The following P4HA1 variants were observed in gnomAD, a reference collection of about 807,000 sequenced individuals.
P4HA1 encodes the protein prolyl 4-hydroxylase subunit alpha-1.
A neutral mutation model predicts 72.8 loss-of-function variants in P4HA1; 24 were observed. The ratio of observed to expected loss-of-function variants is 0.33; its 90% CI spans 0.24 to 0.46. The LOEUF is 0.46. P4HA1 is among the 20% of genes least tolerant of loss of function. The probability of loss-of-function intolerance (pLI) is 1.00; values close to 1 mark genes in which losing one functional copy is unlikely to be tolerated. For synonymous variants in P4HA1, 201 were observed against 218.8 expected, an observed-to-expected ratio of 0.92 and a Z score of 0.72; for missense variants, 446 against 640.6, an observed-to-expected ratio of 0.70 and a Z score of 3.28.
intron 5 of P4HA1, among the ~76,000 whole-genome samples, chr10:73,064,857 C>A (rs1427272421): frequency 1.3e-5 from 2 of 152,026 alleles, no homozygotes; most frequent in East Asian, 1.9e-4. Flanking sequence ...AAAAAGAAAT[C>A]GATTTTTATG....
At chr10:73,067,729 A>T (rs940376605) in intron 5 of P4HA1, among the ~76,000 whole-genome samples, 1 of 151,950 alleles carries the variant, frequency 6.6e-6, no homozygotes, top group Non-Finnish European at 1.5e-5. Context: ...TTAGATCTCA[A>T]TTTTTTTAAT....
At chr10:73,061,680 C>T (rs556738644) in intron 5 of P4HA1, among the ~76,000 whole-genome samples, 1 of 152,114 alleles carries the variant, frequency 6.6e-6, no homozygotes, top group African/African-American at 2.4e-5. Flanking sequence ...GCAGGAGGAA[C>T]ACTTGAGCCC....
intron 12 of P4HA1, among the ~76,000 whole-genome samples, chr10:73,012,426 T>TG (rs1463858973): frequency 3.7e-4 from 56 of 152,368 alleles, no homozygotes; most frequent in African/African-American, 1.3e-3. Flanking sequence ...TGCAAGCCTT[T>TG]GCAGCATGAA....
At chr10:73,070,714 G>A (rs1841537871) in intron 4 of P4HA1, among the ~76,000 whole-genome samples, 1 of 151,930 alleles carries the variant, frequency 6.6e-6, no homozygotes, top group African/African-American at 2.4e-5. Flanking sequence ...TTTTATAGAA[G>A]GCTATAATAT....
Position 73,051,187 on chromosome 10 carries a change from T to C in P4HA1, c.766A>G (p.Lys256Glu). ...TCTGAAGCAGACTTATTGACATCTT[T>C]TTCTTTAGCCATTATATACTCAAAA... ...KYFEYIMAKE[K>E]DVNKSASDDQ... The change falls in exon 7 of 15, where the codon AAA becomes GAA. Residue 256 changes from lysine to glutamate, a missense_variant. Transcript: ENST00000394890. 1 of 1,609,498 alleles carries C rather than the reference T, an allele frequency of 6.2e-7. No individual in the cohort carries two copies. The highest frequency in any genetic ancestry group is 1.7e-5 in the Admixed American group (1 of 60,000).
chr10:73,025,002 A>C (rs1840231499), intron 10 of P4HA1, among the ~76,000 whole-genome samples: 2 of 152,232 alleles, frequency 1.3e-5, no homozygotes, highest in Admixed American at 1.3e-4. Context: ...CAGCCTACCA[A>C]CTAAAAAAAG....
chr10:73,036,403 C>T (rs1840577305), intron 9 of P4HA1, among the ~76,000 whole-genome samples: 1 of 151,820 alleles, frequency 6.6e-6, no homozygotes, highest in African/African-American at 2.4e-5. Flanking sequence ...TAGTAACACT[C>T]CCTTTTTTTT....
At chr10:73,058,084 C>T (rs1198335342) in intron 5 of P4HA1, among the ~76,000 whole-genome samples, 1 of 109,396 alleles carries the variant, frequency 9.1e-6, no homozygotes, top group Non-Finnish European at 1.7e-5. Flanking sequence ...AGCAAGACTC[C>T]GTCCAGAAAA....
chr10:73,068,751 T>C lies in P4HA1; in HGVS notation c.463+95A>G, dbSNP rs191269233. The C allele has an allele frequency of 4.9e-5, 51 of 1,032,596 alleles. No homozygotes were observed. In the East Asian group the frequency reaches 8.4e-4, roughly 17 times the overall value. 64.0% of individuals were successfully genotyped at this position (1,032,596 alleles called of 1,614,324 possible). On this transcript the variant is annotated intron_variant, in intron 5 of 14. Coordinates refer to ENST00000394890, the MANE Select transcript of P4HA1 (RefSeq NM_001017962.3). Reference sequence around the variant, plus strand: ...TGAAACAAACTACAATTTAAAATCTTAAAATGCAAGTCTTTTTTATACTAA... The same window carrying C: ...TGAAACAAACTACAATTTAAAATCTCAAAATGCAAGTCTTTTTTATACTAA...
intron 7 of P4HA1, 135 bp downstream of exon 7, chr10:73,050,918 A>G: frequency 1.3e-6 from 1 of 743,630 alleles, no homozygotes; most frequent in Non-Finnish European, 2.3e-6. Context: ...AAGCTGACAT[A>G]CTGTAATATT....
chr10:73,046,841 A>G (rs953837820), intron 8 of P4HA1, 84 bp downstream of exon 8: 27 of 994,276 alleles, frequency 2.7e-5, no homozygotes, highest in African/African-American at 2.1e-4. Context: ...CATTATTCGT[A>G]TATCAATTAT....
At chr10:73,012,641 CAGG>C (rs71021544) in intron 12 of P4HA1, among the ~76,000 whole-genome samples, 251 of 151,732 alleles carry the variant, frequency 1.7e-3, no homozygotes, top group Middle Eastern at 3.4e-3. Context: ...GGGAAGGTAG[CAGG>C]AAGAGAAAAA....
chr10:73,021,320 A>G (rs1000080456), intron 10 of P4HA1, among the ~76,000 whole-genome samples: 1 of 152,208 alleles, frequency 6.6e-6, no homozygotes, highest in African/African-American at 2.4e-5. Context: ...TGCCAAGTAT[A>G]TATCCAAAAG....
intron 4 of P4HA1, among the ~76,000 whole-genome samples, chr10:73,069,457 T>C (rs892716437): frequency 4.6e-5 from 7 of 152,198 alleles, no homozygotes; most frequent in Non-Finnish European, 1.0e-4. Flanking sequence ...TATGTAAATA[T>C]ATAAAGTTTG....
chr10:73,091,806 A>C (rs1842037652), intron 1 of P4HA1, among the ~76,000 whole-genome samples: 1 of 152,230 alleles, frequency 6.6e-6, no homozygotes, highest in Non-Finnish European at 1.5e-5. Context: ...ATATGTACCT[A>C]TAACATTACT....
Position 73,068,889 on chromosome 10 carries a change from G to A in P4HA1, c.420C>T (p.Thr140=), listed in dbSNP as rs1393638876. ...AGATGGTATCTGTATCCAAATTGTA[G>A]GTATCCTGGAGACGTAACAGAGCTT... is the stretch of plus-strand genomic sequence containing the variant. ...AAKALLRLQD[T]YNLDTDTISK... The change falls in exon 5 of 15, where the codon ACC becomes ACT. Residue 140 remains threonine (T), a synonymous_variant. Coordinates refer to ENST00000394890, the MANE Select transcript of P4HA1 (RefSeq NM_001017962.3). The A allele has an allele frequency of 3.7e-6, 6 of 1,612,142 alleles. No homozygotes were observed. In the Admixed American group the frequency reaches 1.0e-4, roughly 27 times the overall value.
intron 1 of P4HA1, among the ~76,000 whole-genome samples, chr10:73,086,625 G>A (rs182763233): frequency 1.3e-5 from 2 of 152,036 alleles, no homozygotes; most frequent in Non-Finnish European, 2.9e-5. Context: ...CAATAAAACT[G>A]TTTTAAAAAA....
Position 73,095,537 on chromosome 10 carries a change from AAAAG to A in P4HA1, c.-33+1225_-33+1228del, listed in dbSNP as rs1445489146. 5.3e-5 allele frequency among the ~76,000 whole-genome samples: 8 copies of A among 151,946 alleles called. No homozygotes were observed. In the East Asian group the frequency reaches 1.4e-3, roughly 26 times the overall value. ...ACCAGAACTTTAAAAAAAAAAAAAAAAAAGAGTAAAAAATTGATGAAAGAACGCT... is the reference window on the plus strand; with the variant it reads ...ACCAGAACTTTAAAAAAAAAAAAAAAAGTAAAAAATTGATGAAAGAACGCT... On this transcript the variant is annotated intron_variant, in intron 1 of 14. Coordinates refer to ENST00000394890, the MANE Select transcript of P4HA1 (RefSeq NM_001017962.3).
chr10:73,030,314 T>C lies in P4HA1; in HGVS notation c.1205A>G (p.Gln402Arg). 6.3e-7 allele frequency: 1 copy of C among 1,577,476 alleles called. No homozygotes were observed. Among genetic ancestry groups the C allele is most frequent in the Non-Finnish European group, 8.7e-7 (1 of 1,155,206 alleles). Reference sequence around the variant, plus strand: ...GGAAACATCTAGTCCTGTTAGATCTTGTATTCTCATATTAATTCGAGACAC... The same window carrying C: ...GGAAACATCTAGTCCTGTTAGATCTCGTATTCTCATATTAATTCGAGACAC... ...PVVSRINMRI[Q>R]DLTGLDVSTA... The change falls in exon 10 of 15, where the codon CAA becomes CGA. Residue 402 changes from glutamine to arginine, a missense_variant. By Grantham distance (43) the Gln-to-Arg change is conservative. Transcript: ENST00000394890.
Sources: gnomAD v4.1 joint callset for allele counts (sites outside exome capture counted in the v4.1 genomes callset) on GRCh38, gnomAD v4.1.1 for gene constraint, MANE v1.5 for transcripts, NCBI Gene and HGNC (gene_info 2026-07-23, HGNC 2026-07-21) for gene names.